SMC2: variants seen among roughly 807,000 people sequenced by gnomAD.
The protein encoded by SMC2 is structural maintenance of chromosomes 2.
A neutral mutation model predicts 142.6 loss-of-function variants in SMC2; 41 were observed. That is an observed-to-expected ratio of 0.29 (90% CI 0.22 to 0.37). The LOEUF is 0.37. Ranked by LOEUF, SMC2 falls within the 10% of genes least tolerant of loss-of-function variation. SMC2 has a pLI of 1.00. For synonymous variants in SMC2, 463 were observed against 457.5 expected (o/e 1.01, Z -0.15); for missense variants, 1,265 against 1,373.7 (o/e 0.92, Z 1.25).
At chr9:104,139,052 C>T (rs556603367) in intron 24 of SMC2, 87 bp from the exon 25 acceptor site, 1 of 782,720 alleles carries the variant, frequency 1.3e-6, no homozygotes, top group Admixed American at 4.0e-5. Flanking sequence ...AAAATTATCT[C>T]CAAACCATTC....
At position 104,101,478 on chromosome 9, in the gene SMC2, C is replaced by G. The variant is rs377033679; in HGVS notation, c.637-482C>G. On this transcript the variant is annotated intron_variant, in intron 7 of 24. Transcript: ENST00000374793. ...TCTAAATCTAACAACATGGACAGAT[C>G]ATTTAATCATTCTGAATTTGTTTTT... Among the ~76,000 whole-genome samples the G allele has an allele frequency of 1.8e-3, 274 of 152,264 alleles. 10 individuals carry two copies. In the South Asian group the frequency reaches 0.055, roughly 31 times the overall value.
chr9:104,110,299 C>CTT (rs1403764626), intron 9 of SMC2, among the ~76,000 whole-genome samples: 1 of 152,130 alleles, frequency 6.6e-6, no homozygotes, highest in Non-Finnish European at 1.5e-5. Context: ...TGGTTGCCTG[C>CTT]CTTTCCAGAC....
chr9:104,099,620 G>GT, intron 4 of SMC2, 24 bp from the exon 5 acceptor site: 1 of 1,468,842 alleles, frequency 6.8e-7, no homozygotes, highest in Non-Finnish European at 9.5e-7. Flanking sequence ...TGTTATCTTA[G>GT]TAAGTTTGCT....
At chr9:104,124,295 C>G (rs909115726) in intron 17 of SMC2, among the ~76,000 whole-genome samples, 3 of 152,114 alleles carry the variant, frequency 2.0e-5, no homozygotes, top group African/African-American at 4.8e-5. Flanking sequence ...TCATGTTGGT[C>G]AGGATGGTCT....
At position 104,095,535 on chromosome 9, in the gene SMC2, A is replaced by G; in HGVS notation, c.151A>G (p.Ile51Val). 6.2e-7 allele frequency: 1 copy of G among 1,613,842 alleles called. No homozygotes were observed. The highest frequency in any genetic ancestry group is 8.5e-7 in the Non-Finnish European group (1 of 1,179,766). Residue 51 changes from isoleucine (I) to valine (V), a missense_variant, in exon 2 of 25, where the codon ATC becomes GTC. Coordinates refer to ENST00000374793, the MANE Select transcript of SMC2 (RefSeq NM_006444.3). ...ILDSICFLLG[I>V]SNLSQVRASN... ...GGACTCCATCTGCTTTTTGCTGGGC[A>G]TCTCCAACCTGTCTCAGGTAAAGTG...
upstream of SMC2, among the ~76,000 whole-genome samples, chr9:104,091,630 TCAA>T (rs1669712539): frequency 6.6e-6 from 1 of 152,214 alleles, no homozygotes; most frequent in African/African-American, 2.4e-5. Flanking sequence ...AAATAATCTC[TCAA>T]CAAAATGAGT....
At chr9:104,090,427 A>G (rs1829969650), upstream of SMC2, among the ~76,000 whole-genome samples, 3 of 152,140 alleles carry the variant, frequency 2.0e-5, no homozygotes, top group Admixed American at 2.0e-4. Context: ...CCTTAGGAAT[A>G]GCCAGCTACC....
intron 9 of SMC2, among the ~76,000 whole-genome samples, chr9:104,105,877 G>T (rs1420747623): frequency 1.3e-5 from 2 of 152,114 alleles, no homozygotes; most frequent in African/African-American, 2.4e-5. Flanking sequence ...AGCTTGGGAG[G>T]TGTTATGCTT....
intron 1 of SMC2, 119 bp downstream of exon 1, chr9:104,094,596 G>A: frequency 5.3e-6 from 2 of 377,368 alleles, no homozygotes; most frequent in Non-Finnish European, 4.7e-6. Flanking sequence ...AGTGGCAGAG[G>A]GACCTTAGGT....
intron 9 of SMC2, among the ~76,000 whole-genome samples, chr9:104,103,493 A>G (rs1456505983): frequency 6.6e-6 from 1 of 152,224 alleles, no homozygotes; most frequent in African/African-American, 2.4e-5. Flanking sequence ...TTTGTGATTC[A>G]GGAGAGAGAG....
Position 104,095,492 on chromosome 9 carries a change from T to C in SMC2, c.108T>C (p.Ser36=). ...LFNAITGLNG[S]GKSNILDSIC... ...ATGCTATCACTGGCTTAAATGGTAG[T>C]GGGAAATCCAACATATTGGACTCCA... The change falls in exon 2 of 25, where the codon AGT becomes AGC. Residue 36 remains serine, a synonymous_variant. Transcript: ENST00000374793. 6.2e-7 allele frequency: 1 copy of C among 1,614,076 alleles called. No homozygotes were observed. Among genetic ancestry groups the C allele is most frequent in the African/African-American group, 1.3e-5 (1 of 75,052 alleles).
intron 17 of SMC2, 82 bp downstream of exon 17, chr9:104,123,314 T>A: frequency 7.2e-7 from 1 of 1,389,848 alleles, no homozygotes; most frequent in Non-Finnish European, 9.8e-7. Flanking sequence ...CTACCTGTGC[T>A]ATGTTTAAGA....
In SMC2 at chr9:104,127,388, A is replaced by G. The variant is rs1249938288; in HGVS notation, c.2698A>G (p.Lys900Glu). ...TAAATATGCAGAAGTGGCAAAACAC[A>G]AGGAGCAAAACAATGATTCTCAGCT... ...KAKYAEVAKH[K>E]EQNNDSQLKI... The change falls in exon 20 of 25, where the codon AAG becomes GAG. Residue 900 changes from lysine to glutamate, a missense_variant. Physicochemically the swap from Lys to Glu is moderately conservative, Grantham distance 56. This residue lies in a region of SMC2 where 898 missense variants were observed against 904.2 expected (regional missense o/e 0.99). Transcript: ENST00000374793. The G allele has an allele frequency of 5.6e-6, 9 of 1,613,936 alleles. No individual in the cohort carries two copies. Among genetic ancestry groups the G allele is most frequent in the South Asian group, 1.1e-5 (1 of 91,060 alleles).
intron 9 of SMC2, among the ~76,000 whole-genome samples, chr9:104,105,849 G>A (rs190326559): frequency 9.8e-4 from 149 of 152,190 alleles, no homozygotes; most frequent in African/African-American, 3.4e-3. Context: ...ATCTTATCAT[G>A]TTACCCGCCA....
Position 104,126,697 on chromosome 9 carries a change from C to T in SMC2, c.2508C>T (p.Tyr836=), listed in dbSNP as rs6479217. 26,963 of 1,612,178 alleles carry T rather than the reference C, an allele frequency of 0.017. 1,365 individuals carry two copies. In the African/African-American group the frequency reaches 0.18, roughly 11 times the overall value. Residue 836 remains tyrosine, a synonymous_variant, in exon 19 of 25, where the codon TAC becomes TAT. Transcript: ENST00000374793. ...AGCTCAAGAGAGAGCATACATCTTACAAACAACAGCTTGAAGCTGTAAATG... is the reference window on the plus strand; with the variant it reads ...AGCTCAAGAGAGAGCATACATCTTATAAACAACAGCTTGAAGCTGTAAATG... ...LEELKREHTS[Y]KQQLEAVNEA...
intron 2 of SMC2, 34 bp from the exon 3 acceptor site, chr9:104,096,114 T>C: frequency 6.3e-7 from 1 of 1,598,894 alleles, no homozygotes; most frequent in South Asian, 1.1e-5. Flanking sequence ...GTAGGGAGTT[T>C]TGTAATTGTT....
chr9:104,094,669 G>C (rs930213493), intron 1 of SMC2, 192 bp downstream of exon 1: 1 of 373,308 alleles, frequency 2.7e-6, no homozygotes, highest in Non-Finnish European at 4.8e-6. Context: ...GGTGTAGACA[G>C]GCCTGGAGAA....
chr9:104,111,626 A>G lies in SMC2; in HGVS notation c.1066A>G (p.Thr356Ala). ...AAAGGAAAAAGAGGTTAAAAAGATAACAGATGGACTGCATGCCCTTCAAGA... is the reference window on the plus strand; with the variant it reads ...AAAGGAAAAAGAGGTTAAAAAGATAGCAGATGGACTGCATGCCCTTCAAGA... ...AAKEKEVKKI[T>A]DGLHALQEAS... Residue 356 changes from threonine to alanine, a missense_variant, in exon 10 of 25, where the codon ACA becomes GCA. Thr to Ala is a moderately conservative substitution (Grantham distance 58). Around this residue, in one of 4 missense-constraint regions of SMC2, gnomAD observed 898 missense variants for 904.2 expected, o/e 0.99. Transcript: ENST00000374793. 1 of 1,613,998 alleles carries G rather than the reference A, an allele frequency of 6.2e-7. No homozygotes were observed. Among genetic ancestry groups the G allele is most frequent in the Non-Finnish European group, 8.5e-7 (1 of 1,179,918 alleles).
chr9:104,129,156 T>C (rs976808513), intron 20 of SMC2, among the ~76,000 whole-genome samples: 9 of 152,182 alleles, frequency 5.9e-5, no homozygotes, highest in African/African-American at 1.9e-4. Flanking sequence ...CTGTAGTCTG[T>C]GTTCCAGGTA....
Sources: allele counts gnomAD v4.1 joint callset (sites outside exome capture counted in the v4.1 genomes callset), GRCh38; gene constraint gnomAD v4.1.1; regional missense constraint gnomAD v4.1.1; transcripts MANE v1.5; gene names NCBI Gene and HGNC (gene_info 2026-07-23, HGNC 2026-07-21).